PTPRD: variants seen among roughly 807,000 people sequenced by gnomAD.
PTPRD encodes protein tyrosine phosphatase receptor type D.
PTPRD carries 34 observed loss-of-function variants against 214.5 expected under a neutral mutation model. That is an observed-to-expected ratio of 0.16 (90% CI 0.12 to 0.21). PTPRD has a LOEUF of 0.21. Among genes scored for constraint, PTPRD ranks in the 10% least tolerant of loss-of-function variants. PTPRD has a pLI of 1.00. For synonymous variants in PTPRD, 1,128 were observed against 845.7 expected (o/e 1.33, Z -5.79); for missense variants, 2,545 against 2,398.7 (o/e 1.06, Z -1.27).
At chr9:9,859,772 C>T (rs1570594) in intron 5 of PTPRD, among the ~76,000 whole-genome samples, 52,762 of 151,978 alleles carry the variant, frequency 0.35, 10,166 homozygotes, top group East Asian at 0.75. Flanking sequence ...CTCTGGAATA[C>T]GGTATCCTTA....
intron 8 of PTPRD, among the ~76,000 whole-genome samples, chr9:9,468,378 G>C (rs1014153577): frequency 6.6e-6 from 1 of 151,818 alleles, no homozygotes; most frequent in South Asian, 2.1e-4. Flanking sequence ...TATCTATGTA[G>C]TTATCTTTGT....
At chr9:9,610,655 G>A (rs1174404785) in intron 7 of PTPRD, among the ~76,000 whole-genome samples, 1 of 152,094 alleles carries the variant, frequency 6.6e-6, no homozygotes, top group Admixed American at 6.6e-5. Flanking sequence ...AAGGATGAAA[G>A]ATGACAATTA....
chr9:9,097,416 C>A (rs373887333), intron 10 of PTPRD, among the ~76,000 whole-genome samples: 2 of 126,626 alleles, frequency 1.6e-5, no homozygotes, highest in Non-Finnish European at 3.4e-5. Context: ...TTTTTTTTTT[C>A]TTTTTCTTTT....
chr9:9,006,890 TTTA>T (rs1252319209), intron 11 of PTPRD, among the ~76,000 whole-genome samples: 11 of 152,030 alleles, frequency 7.2e-5, no homozygotes, highest in Non-Finnish European at 1.5e-4. Flanking sequence ...GGGGGTCATA[TTTA>T]CATTTAATAC....
chr9:9,769,808 G>A (rs1447335186), intron 5 of PTPRD, among the ~76,000 whole-genome samples: 1 of 151,736 alleles, frequency 6.6e-6, no homozygotes, highest in Non-Finnish European at 1.5e-5. Context: ...CCCTCCCTGT[G>A]TCCATGTGTT....
intron 4 of PTPRD, among the ~76,000 whole-genome samples, chr9:9,975,224 G>A (rs929425203): frequency 2.6e-5 from 4 of 152,044 alleles, no homozygotes; most frequent in African/African-American, 9.7e-5. Context: ...CATATCCATG[G>A]ACTCCTTTAT....
intron 10 of PTPRD, among the ~76,000 whole-genome samples, chr9:9,133,621 G>A (rs1038734260): frequency 3.3e-5 from 5 of 152,170 alleles, no homozygotes; most frequent in Non-Finnish European, 7.4e-5. Flanking sequence ...GATTTTAGAT[G>A]TGAGTACTGT....
intron 5 of PTPRD, among the ~76,000 whole-genome samples, chr9:9,811,482 C>A (rs775780281): frequency 2.0e-5 from 3 of 151,984 alleles, no homozygotes; most frequent in Non-Finnish European, 4.4e-5. Context: ...CCGAGGTGGG[C>A]GGATCATGAG....
chr9:9,954,358 C>G (rs1262798337), intron 4 of PTPRD, among the ~76,000 whole-genome samples: 1 of 124,786 alleles, frequency 8.0e-6, no homozygotes, highest in Non-Finnish European at 1.7e-5. Flanking sequence ...TACTAATAAA[C>G]TCATCTATTT....
rs184838600 is a variant in PTPRD, at chr9:10,155,058, T to C, written c.-544-121268A>G. ...GGGAAGTATGGCCATTTTAACAATA[T>C]TGATTTTTCCTATCCATGAGCATAG... On this transcript the variant is annotated intron_variant, in intron 3 of 45. Coordinates refer to ENST00000381196, the MANE Select transcript of PTPRD (RefSeq NM_002839.4). 1.8e-3 allele frequency among the ~76,000 whole-genome samples: 269 copies of C among 152,280 alleles called. 1 individual carries two copies. The highest frequency in any genetic ancestry group is 0.017 in the Middle Eastern group (5 of 294).
At chr9:10,087,235 C>T (rs1269057866) in intron 3 of PTPRD, among the ~76,000 whole-genome samples, 1 of 151,210 alleles carries the variant, frequency 6.6e-6, no homozygotes, top group Non-Finnish European at 1.5e-5. Flanking sequence ...TATACATACA[C>T]ATATGCATAT....
At chr9:9,379,617 G>A (rs1390787967) in intron 9 of PTPRD, among the ~76,000 whole-genome samples, 1 of 152,000 alleles carries the variant, frequency 6.6e-6, no homozygotes, top group African/African-American at 2.4e-5. Flanking sequence ...ATCTACAGAT[G>A]AAGTTGGGAA....
intron 14 of PTPRD, among the ~76,000 whole-genome samples, chr9:8,617,000 C>G (rs1042166018): frequency 6.6e-6 from 1 of 152,060 alleles, no homozygotes; most frequent in African/African-American, 2.4e-5. Flanking sequence ...GGCATTTATT[C>G]GAACACCCCT....
In PTPRD at chr9:8,810,105, G is replaced by T. The variant is rs143943475; in HGVS notation, c.-103-76159C>A. ...CACACTGGACGTTTACTACTGCAGG[G>T]CTGTTTGTATAACAATCCAATTAAT... is the stretch of plus-strand genomic sequence containing the variant. On this transcript the variant is annotated intron_variant, in intron 11 of 45. Coordinates refer to ENST00000381196, the MANE Select transcript of PTPRD (RefSeq NM_002839.4). 2.6e-5 allele frequency among the ~76,000 whole-genome samples: 4 copies of T among 152,270 alleles called. No individual in the cohort carries two copies. The East Asian group carries it at 7.7e-4, about 29-fold the overall frequency.
At chr9:8,425,677 T>C (rs2094616210) in intron 35 of PTPRD, among the ~76,000 whole-genome samples, 1 of 152,096 alleles carries the variant, frequency 6.6e-6, no homozygotes, top group African/African-American at 2.4e-5. Flanking sequence ...TTGTTTTTTT[T>C]CTGTTTCTCC....
At position 9,266,790 on chromosome 9, in the gene PTPRD, G is replaced by A. The variant is rs530242606; in HGVS notation, c.-202-83427C>T. Reference sequence around the variant, plus strand: ...ATGAAAATACAACATATAAAAACTCGTAAAATGTAGCCAAAGCAGTTCTAG... The same window carrying A: ...ATGAAAATACAACATATAAAAACTCATAAAATGTAGCCAAAGCAGTTCTAG... On this transcript the variant is annotated intron_variant, in intron 9 of 45. Transcript: ENST00000381196. Among the ~76,000 whole-genome samples, 274 of 150,922 alleles carry A rather than the reference G, an allele frequency of 1.8e-3. 1 individual carries two copies. Among genetic ancestry groups the A allele is most frequent in the Non-Finnish European group, 3.3e-3 (223 of 67,362 alleles).
chr9:9,856,190 C>T (rs576481985), intron 5 of PTPRD, among the ~76,000 whole-genome samples: 42 of 152,216 alleles, frequency 2.8e-4, no homozygotes, highest in African/African-American at 9.6e-4. Flanking sequence ...GAAGTCAAGC[C>T]GCTTCTGACA....
intron 36 of PTPRD, among the ~76,000 whole-genome samples, chr9:8,399,902 T>C (rs1480408051): frequency 4.6e-5 from 7 of 152,180 alleles, no homozygotes; most frequent in Non-Finnish European, 1.5e-5. Flanking sequence ...TTTGCTGACT[T>C]TTTAAATGCT....
chr9:8,726,153 T>C (rs1473822), intron 12 of PTPRD, among the ~76,000 whole-genome samples: 92,148 of 151,872 alleles, frequency 0.61, 29,226 homozygotes, highest in African/African-American at 0.8. Flanking sequence ...TCTAAAATGG[T>C]ATCTCCATCC....
Sources: gnomAD v4.1 joint callset for allele counts (sites outside exome capture counted in the v4.1 genomes callset) on GRCh38, gnomAD v4.1.1 for gene constraint, MANE v1.5 for transcripts, NCBI Gene and HGNC (gene_info 2026-07-23, HGNC 2026-07-21) for gene names.